Variants in DCBLD1 observed in about 807,000 individuals in gnomAD.
The protein encoded by DCBLD1 is discoidin, CUB and LCCL domain-containing protein 1.
A neutral mutation model predicts 71.5 loss-of-function variants in DCBLD1; 57 were observed. The ratio of observed to expected loss-of-function variants is 0.80; its 90% CI spans 0.64 to 0.99. The LOEUF (loss-of-function observed/expected upper bound fraction) is 0.99, where lower values mean the gene tolerates loss of function less well. Ranked by LOEUF, DCBLD1 falls within the 50% of genes least tolerant of loss-of-function variation. DCBLD1 has a pLI of 0.00. For missense variants in DCBLD1, 891 were observed against 923.5 expected (o/e 0.96, Z 0.46); for synonymous variants, 380 against 363.8 (o/e 1.04, Z -0.51).
intron 1 of DCBLD1, among the ~76,000 whole-genome samples, chr6:117,488,267 G>A (rs2114358439): frequency 6.6e-6 from 1 of 152,320 alleles, no homozygotes; most frequent in East Asian, 1.9e-4. Flanking sequence ...AAAATTGAAA[G>A]GAGGATAATA....
downstream of DCBLD1, among the ~76,000 whole-genome samples, chr6:117,551,082 C>T (rs1779419348): frequency 6.6e-6 from 1 of 152,228 alleles, no homozygotes; most frequent in South Asian, 2.1e-4. Flanking sequence ...TCCCACTGAT[C>T]TTGCTCCCAG....
chr6:117,553,635 T>C (rs1412346376), downstream of DCBLD1, among the ~76,000 whole-genome samples: 1 of 152,230 alleles, frequency 6.6e-6, no homozygotes, highest in Non-Finnish European at 1.5e-5. Flanking sequence ...TCTAATGTAG[T>C]TTTTAGTCAG....
At position 117,544,218 on chromosome 6, in the gene DCBLD1, A is replaced by G. The variant is rs150828429; in HGVS notation, c.1446-310A>G. The G allele has an allele frequency of 4.8e-4, 121 of 250,830 alleles. No homozygotes were observed. In the East Asian group the frequency reaches 9.3e-3, roughly 19 times the overall value. The allele number at this position is 250,830 out of a possible 1,614,324, so 15.5% of individuals were successfully genotyped here. ...AGAGATGAAGTGAGACCATGTGGTC[A>G]TGAGGAATTGCTTCAGGATGACTGC... On this transcript the variant is annotated intron_variant, in intron 12 of 14. Transcript: ENST00000338728.
At chr6:117,549,921 G>T, downstream of DCBLD1, 1 of 909,540 alleles carries the variant, frequency 1.1e-6, no homozygotes, top group South Asian at 5.1e-5. Flanking sequence ...GATTAGGCCA[G>T]ACCCCAATCT....
chr6:117,518,493 C>T (rs1778279483), intron 2 of DCBLD1, among the ~76,000 whole-genome samples: 2 of 152,180 alleles, frequency 1.3e-5, no homozygotes, highest in Non-Finnish European at 2.9e-5. Flanking sequence ...CAGCACCCCA[C>T]TCTACTGGCA....
rs578101179 is a variant in DCBLD1 at position 117,503,558 on chromosome 6, A to G, written c.113-209A>G. The G allele has an allele frequency of 6.9e-6, 4 of 576,026 alleles. No homozygotes were observed. In the Admixed American group the frequency reaches 9.6e-5, roughly 14 times the overall value. The allele number at this position is 576,026 out of a possible 1,614,324, so 35.7% of individuals were successfully genotyped here. A position where few individuals can be genotyped will look rare whatever the true frequency, so the allele number is the denominator to read the frequency against. On this transcript the variant is annotated intron_variant, in intron 1 of 14. Coordinates refer to ENST00000338728, the MANE Select transcript of DCBLD1 (RefSeq NM_001366458.2). The stretch of plus-strand genomic sequence containing the variant: ...TCTAATGTGTGAAATGTTTTGATCA[A>G]CAAGAAGATAAAACTGGAAAACAAG...
intron 2 of DCBLD1, among the ~76,000 whole-genome samples, chr6:117,504,603 T>TA (rs1234022311): frequency 6.6e-6 from 1 of 152,194 alleles, no homozygotes; most frequent in Admixed American, 6.5e-5. Flanking sequence ...ACTGTTCCGT[T>TA]ACGACTGAGG....
rs1582950888 is a variant in DCBLD1 at position 117,482,701 on chromosome 6, G to T, written c.-81G>T. 9.1e-7 allele frequency: 1 copy of T among 1,095,306 alleles called. No individual in the cohort carries two copies. Among genetic ancestry groups the T allele is most frequent in the Non-Finnish European group, 1.1e-6 (1 of 901,488 alleles). 67.8% of individuals were successfully genotyped at this position (1,095,306 alleles called of 1,614,324 possible). ...CCCGGCGCCGCGCTCGTCCGCAGAGGAGGCGGCCCGGCCCGGGCAGCTGCG... is the reference window on the plus strand; with the variant it reads ...CCCGGCGCCGCGCTCGTCCGCAGAGTAGGCGGCCCGGCCCGGGCAGCTGCG... On this transcript the variant is annotated 5_prime_UTR_variant, in exon 1 of 15. Coordinates refer to ENST00000338728, the MANE Select transcript of DCBLD1 (RefSeq NM_001366458.2).
At chr6:117,533,154 C>G (rs1428809310) in intron 6 of DCBLD1, among the ~76,000 whole-genome samples, 1 of 152,184 alleles carries the variant, frequency 6.6e-6, no homozygotes, top group Non-Finnish European at 1.5e-5. Flanking sequence ...CTGTATTTCT[C>G]TCTCTCATTC....
intron 14 of DCBLD1, among the ~76,000 whole-genome samples, chr6:117,556,918 G>A (rs543766520): frequency 3.9e-5 from 6 of 152,214 alleles, no homozygotes; most frequent in African/African-American, 1.4e-4. Flanking sequence ...CATTCTGATT[G>A]GTGTAAGATG....
intron 2 of DCBLD1, among the ~76,000 whole-genome samples, chr6:117,510,483 C>A (rs556801923): frequency 6.6e-6 from 1 of 152,130 alleles, no homozygotes; most frequent in African/African-American, 2.4e-5. Flanking sequence ...TGTTCTCTTT[C>A]TAAAGTTTCA....
At chr6:117,569,459 G>T in intron 14 of DCBLD1, 1 of 1,366,236 alleles carries the variant, frequency 7.3e-7, no homozygotes, top group Non-Finnish European at 9.9e-7. Flanking sequence ...AAGGAAACAA[G>T]AACTATGTGT....
In DCBLD1 at chr6:117,525,366, T is replaced by G; in HGVS notation, c.517T>G (p.Phe173Val). The G allele has an allele frequency of 6.8e-7, 1 of 1,461,208 alleles. No individual in the cohort carries two copies. Among genetic ancestry groups the G allele is most frequent in the Non-Finnish European group, 9.0e-7 (1 of 1,106,352 alleles). The allele number at this position is 1,461,208 out of a possible 1,614,324, so 90.5% of individuals were successfully genotyped here. A position where few individuals can be genotyped will look rare whatever the true frequency, so the allele number is the denominator to read the frequency against. The change falls in exon 5 of 15, where the codon TTC becomes GTC. Residue 173 changes from phenylalanine (F) to valine (V), a missense_variant. By Grantham distance (50) the Phe-to-Val change is conservative (BLOSUM62 -1). Transcript: ENST00000338728. ...TATTTATTTTTCTTTTTCCAGCAAA[T>G]TCTGCCCAGCTGGTTGTAGAGACGT... ...SHYLKTEYSK[F>V]CPAGCRDVAG... is the part of the protein sequence containing the mutation.
intron 1 of DCBLD1, 80 bp from the exon 2 acceptor site, chr6:117,503,687 A>G: frequency 6.9e-7 from 1 of 1,440,602 alleles, no homozygotes; most frequent in Non-Finnish European, 9.6e-7. Flanking sequence ...CATAACTTGG[A>G]GATTGTATTG....
chr6:117,540,022 G>GA (rs1779037008), intron 9 of DCBLD1: 1 of 152,480 alleles, frequency 6.6e-6, no homozygotes, highest in Non-Finnish European at 1.5e-5. Context: ...AGTGAGCCGA[G>GA]ATTGCACCAT....
chr6:117,531,293 G>A (rs1778711732), intron 5 of DCBLD1, among the ~76,000 whole-genome samples: 1 of 152,208 alleles, frequency 6.6e-6, no homozygotes, highest in Admixed American at 6.5e-5. Context: ...ATGAAGAAGT[G>A]GAGCATAGCT....
intron 14 of DCBLD1, among the ~76,000 whole-genome samples, chr6:117,557,210 GTTCT>G (rs1779505656): frequency 6.6e-6 from 1 of 151,848 alleles, no homozygotes; most frequent in Admixed American, 6.6e-5. Context: ...TAGTAAATTG[GTTCT>G]TTAAGAATTT....
intron 14 of DCBLD1, chr6:117,567,041 C>T: frequency 6.4e-7 from 1 of 1,550,742 alleles, no homozygotes. Flanking sequence ...CTCTCTAAAA[C>T]AGGAAATGAA....
Position 117,548,260 on chromosome 6 carries a change from A to C in DCBLD1, c.1969A>C (p.Ser657Arg), listed in dbSNP as rs776674693. Residue 657 changes from serine to arginine, a missense_variant, in exon 15 of 15, where the codon AGC becomes CGC. Transcript: ENST00000338728. ...AQDGDYQRPH[S>R]AQPADRGYDR... ...GGACGGAGACTATCAAAGGCCACACAGCGCACAGCCTGCGGACAGGGGCTA... is the reference window on the plus strand; with the variant it reads ...GGACGGAGACTATCAAAGGCCACACCGCGCACAGCCTGCGGACAGGGGCTA... 1 of 1,550,620 alleles carries C rather than the reference A, an allele frequency of 6.4e-7. No homozygotes were observed. The highest frequency in any genetic ancestry group is 1.2e-5 in the South Asian group (1 of 84,056).
Sources: allele counts gnomAD v4.1 joint callset (sites outside exome capture counted in the v4.1 genomes callset), GRCh38; gene constraint gnomAD v4.1.1; transcripts MANE v1.5; gene names NCBI Gene and HGNC (gene_info 2026-07-23, HGNC 2026-07-21).